NAV3: variants seen among roughly 807,000 people sequenced by gnomAD.
NAV3 encodes pore membrane and/or filament interacting like protein 1.
A neutral mutation model predicts 244.7 loss-of-function variants in NAV3; 87 were observed. That is an observed-to-expected ratio of 0.36 (90% CI 0.30 to 0.42). The LOEUF is 0.42. Among genes scored for constraint, NAV3 ranks in the 20% least tolerant of loss-of-function variants. The probability of loss-of-function intolerance (pLI) is 1.00; values close to 1 mark genes in which losing one functional copy is unlikely to be tolerated. For synonymous variants in NAV3, 1,126 were observed against 1,042.2 expected (o/e 1.08, Z -1.55); for missense variants, 2,663 against 2,893.3 (o/e 0.92, Z 1.83).
chr12:77,710,243 A>G (rs1410659678), intron 2 of NAV3, among the ~76,000 whole-genome samples: 1 of 152,206 alleles, frequency 6.6e-6, no homozygotes, highest in Non-Finnish European at 1.5e-5. Flanking sequence ...TCAGAAACAA[A>G]AGGATTTTGC....
intron 5 of NAV3, among the ~76,000 whole-genome samples, chr12:77,992,455 G>T (rs1871612556): frequency 6.6e-6 from 1 of 152,116 alleles, no homozygotes; most frequent in Admixed American, 6.5e-5. Flanking sequence ...TATATTATTA[G>T]GAAAATTGTG....
intron 1 of NAV3, among the ~76,000 whole-genome samples, chr12:77,878,445 T>C (rs1009444695): frequency 6.6e-6 from 1 of 151,994 alleles, no homozygotes; most frequent in Non-Finnish European, 1.5e-5. Context: ...GTCAGGCTTG[T>C]TTCAAACTCC....
chr12:77,610,311 C>G (rs1870854787), intron 2 of NAV3, among the ~76,000 whole-genome samples: 1 of 152,068 alleles, frequency 6.6e-6, no homozygotes, highest in Admixed American at 6.6e-5. Context: ...TGCCGTGTCT[C>G]TGATATATAT....
At chr12:77,605,762 C>T (rs1446433742) in intron 2 of NAV3, among the ~76,000 whole-genome samples, 1 of 151,884 alleles carries the variant, frequency 6.6e-6, no homozygotes, top group Non-Finnish European at 1.5e-5. Flanking sequence ...ATCACTTGAA[C>T]CCAGAGGCAG....
intron 2 of NAV3, among the ~76,000 whole-genome samples, chr12:77,626,575 C>A (rs908554546): frequency 2.6e-5 from 4 of 152,016 alleles, no homozygotes; most frequent in African/African-American, 9.7e-5. Flanking sequence ...CATATAAGGG[C>A]ATCTCCATCA....
chr12:77,905,506 TAA>T (rs1381923830), intron 1 of NAV3, among the ~76,000 whole-genome samples: 1 of 152,156 alleles, frequency 6.6e-6, no homozygotes, highest in Non-Finnish European at 1.5e-5. Flanking sequence ...GTGATTTGTC[TAA>T]GAGTATGAAT....
intron 7 of NAV3, among the ~76,000 whole-genome samples, chr12:78,000,214 G>C (rs1593240047): frequency 6.6e-6 from 1 of 152,178 alleles, no homozygotes; most frequent in South Asian, 2.1e-4. Context: ...TTAGATAGTA[G>C]CAATATTGAT....
Position 77,917,112 on chromosome 12 carries a change from G to T in NAV3, c.244-23207G>T, listed in dbSNP as rs144141998. ...ACATATTATAAAGTTTATGTAACTT[G>T]TATTTCAGTACATAAAAGCTAATAA... On this transcript the variant is annotated intron_variant, in intron 1 of 39. Transcript: ENST00000397909. Among the ~76,000 whole-genome samples, 503 of 152,054 alleles carry T rather than the reference G, an allele frequency of 3.3e-3. 3 individuals carry two copies. Among genetic ancestry groups the T allele is most frequent in the Middle Eastern group, 0.024 (7 of 294 alleles).
intron 30 of NAV3, among the ~76,000 whole-genome samples, chr12:78,182,005 A>G (rs11108641): frequency 0.021 from 3,239 of 152,138 alleles, 94 homozygotes; most frequent in African/African-American, 0.07. Context: ...GTAAAAGACA[A>G]GTGGGCACTC....
At chr12:78,195,991 A>C (rs971484400) in intron 34 of NAV3, among the ~76,000 whole-genome samples, 6 of 152,086 alleles carry the variant, frequency 3.9e-5, no homozygotes, top group African/African-American at 1.2e-4. Context: ...AGCAGGAATC[A>C]GACTTCACTA....
chr12:78,061,904 A>G (rs1191972628), intron 12 of NAV3, among the ~76,000 whole-genome samples: 3 of 152,144 alleles, frequency 2.0e-5, no homozygotes, highest in Non-Finnish European at 4.4e-5. Context: ...CTTAAATTTG[A>G]CATAGTAGGA....
At chr12:78,161,982 T>C (rs1311250815) in intron 23 of NAV3, among the ~76,000 whole-genome samples, 1 of 152,030 alleles carries the variant, frequency 6.6e-6, no homozygotes, top group Non-Finnish European at 1.5e-5. Flanking sequence ...CAAAGGGAGA[T>C]TGTTAGGTGT....
chr12:77,602,541 T>A (rs1268166844), intron 2 of NAV3, among the ~76,000 whole-genome samples: 1 of 151,776 alleles, frequency 6.6e-6, no homozygotes, highest in Non-Finnish European at 1.5e-5. Flanking sequence ...AGGGGATTAA[T>A]AGCAGAGATC....
intron 7 of NAV3, among the ~76,000 whole-genome samples, chr12:78,004,202 AG>A (rs1203748419): frequency 6.6e-6 from 1 of 152,228 alleles, no homozygotes; most frequent in Non-Finnish European, 1.5e-5. Flanking sequence ...AGAGATCATA[AG>A]CATATTGTAG....
At chr12:78,165,444 G>A (rs1957741327) in intron 23 of NAV3, among the ~76,000 whole-genome samples, 1 of 151,762 alleles carries the variant, frequency 6.6e-6, no homozygotes, top group Admixed American at 6.6e-5. Context: ...GATTAATGAG[G>A]ATTCTCAAAA....
At chr12:77,915,137 G>T (rs897037862) in intron 1 of NAV3, among the ~76,000 whole-genome samples, 1 of 151,832 alleles carries the variant, frequency 6.6e-6, no homozygotes. Flanking sequence ...CTCCACCCTG[G>T]ATTTACTTCC....
intron 23 of NAV3, among the ~76,000 whole-genome samples, chr12:78,162,089 T>A (rs1247076285): frequency 6.6e-6 from 1 of 152,152 alleles, no homozygotes; most frequent in East Asian, 1.9e-4. Flanking sequence ...CCAAGGTTTT[T>A]AAATTGGGGT....
intron 1 of NAV3, among the ~76,000 whole-genome samples, chr12:77,897,399 G>A (rs1295598678): frequency 6.6e-6 from 1 of 152,100 alleles, no homozygotes; most frequent in African/African-American, 2.4e-5. Flanking sequence ...ATATTGACTG[G>A]CATTTTCCAT....
intron 2 of NAV3, among the ~76,000 whole-genome samples, chr12:77,781,044 C>T (rs1303244258): frequency 2.0e-5 from 3 of 152,124 alleles, no homozygotes; most frequent in Non-Finnish European, 4.4e-5. Flanking sequence ...CATTTATTGG[C>T]TTAAAACAAC....
Sources: allele counts gnomAD v4.1 joint callset (sites outside exome capture counted in the v4.1 genomes callset), GRCh38; gene constraint gnomAD v4.1.1; transcripts MANE v1.5; gene names NCBI Gene and HGNC (gene_info 2026-07-23, HGNC 2026-07-21).